Variants in ASTN1 observed in about 807,000 individuals in gnomAD.
The protein encoded by ASTN1 is astrotactin-1.
In ASTN1, 41 loss-of-function variants were observed where a neutral mutation model predicts 140.7. The ratio of observed to expected loss-of-function variants is 0.29; its 90% CI spans 0.23 to 0.38. ASTN1 has a LOEUF of 0.38. Among genes scored for constraint, ASTN1 ranks in the 10% least tolerant of loss-of-function variants. The pLI, the probability that ASTN1 is intolerant of heterozygous loss-of-function variation, is 1.00. For missense variants in ASTN1, 1,479 were observed against 1,678.8 expected, an observed-to-expected ratio of 0.88 and a Z score of 2.08; for synonymous variants, 640 against 652.2, an observed-to-expected ratio of 0.98 and a Z score of 0.29.
intron 2 of ASTN1, among the ~76,000 whole-genome samples, chr1:177,060,320 C>T (rs1177919578): frequency 6.6e-6 from 1 of 152,194 alleles, no homozygotes; most frequent in African/African-American, 2.4e-5. Context: ...TACCCACATG[C>T]CCTCTATTGT....
At chr1:177,064,349 G>A (rs1678242577) in intron 1 of ASTN1, among the ~76,000 whole-genome samples, 1 of 152,172 alleles carries the variant, frequency 6.6e-6, no homozygotes, top group Non-Finnish European at 1.5e-5. Context: ...CCCTTTTCAA[G>A]TATATAATTT....
At chr1:177,147,033 A>AT (rs888549753) in intron 1 of ASTN1, among the ~76,000 whole-genome samples, 7 of 151,946 alleles carry the variant, frequency 4.6e-5, no homozygotes, top group African/African-American at 7.3e-5. Context: ...ATGAAACTGG[A>AT]TTTTTTTAAA....
At chr1:177,015,019 A>G in intron 7 of ASTN1, 144 bp from the exon 8 acceptor site, 1 of 685,382 alleles carries the variant, frequency 1.5e-6, no homozygotes, top group Non-Finnish European at 2.5e-6. Context: ...CCATTATGTC[A>G]TATACTCCCC....
intron 8 of ASTN1, among the ~76,000 whole-genome samples, chr1:177,004,368 C>G (rs887268773): frequency 6.6e-6 from 1 of 152,072 alleles, no homozygotes; most frequent in African/African-American, 2.4e-5. Flanking sequence ...ATTGGAAGAA[C>G]CAATATCATG....
At chr1:176,977,106 C>T (rs1444444386) in intron 8 of ASTN1, among the ~76,000 whole-genome samples, 1 of 152,176 alleles carries the variant, frequency 6.6e-6, no homozygotes, top group Non-Finnish European at 1.5e-5. Context: ...TAGCTTCCTA[C>T]ATTTCTGTGA....
intron 1 of ASTN1, among the ~76,000 whole-genome samples, chr1:177,070,453 C>T (rs144820070): frequency 1.3e-5 from 2 of 152,328 alleles, no homozygotes; most frequent in African/African-American, 4.8e-5. Flanking sequence ...TAAATATCAC[C>T]TGTAAATGAG....
intron 20 of ASTN1, among the ~76,000 whole-genome samples, chr1:176,881,460 TCACAACTGAAGGACTACTGAGC>T (rs1668797059): frequency 6.6e-6 from 1 of 152,162 alleles, no homozygotes; most frequent in African/African-American, 2.4e-5. Flanking sequence ...TGTGATTTAG[TCACAACTGAAGGACTACTGAGC>T]CTTTACTATA....
intron 1 of ASTN1, among the ~76,000 whole-genome samples, chr1:177,104,741 A>G (rs1370515671): frequency 6.6e-6 from 1 of 152,224 alleles, no homozygotes; most frequent in Non-Finnish European, 1.5e-5. Context: ...ATGCTAGTCC[A>G]AAAAAGGGAC....
chr1:177,048,441 A>G (rs959112440), intron 2 of ASTN1, among the ~76,000 whole-genome samples: 2 of 152,202 alleles, frequency 1.3e-5, no homozygotes, highest in Non-Finnish European at 2.9e-5. Context: ...CCCTTAAGGC[A>G]TAACTGTTAT....
intron 1 of ASTN1, among the ~76,000 whole-genome samples, chr1:177,082,236 G>A (rs184329035): frequency 1.3e-5 from 2 of 152,290 alleles, no homozygotes; most frequent in Admixed American, 6.5e-5. Context: ...CTATGAGTGT[G>A]CAGTATGTAA....
chr1:177,013,101 T>C (rs1675373232), intron 8 of ASTN1, among the ~76,000 whole-genome samples: 1 of 152,164 alleles, frequency 6.6e-6, no homozygotes, highest in Non-Finnish European at 1.5e-5. Context: ...AGCCAAACCT[T>C]CTGCCCTTCT....
intron 8 of ASTN1, among the ~76,000 whole-genome samples, chr1:177,014,545 G>T (rs1170547874): frequency 6.6e-6 from 1 of 152,216 alleles, no homozygotes; most frequent in Non-Finnish European, 1.5e-5. Context: ...GGGACAGCTT[G>T]ATTTTCAGAT....
chr1:177,014,921 G>T (rs1232717353), intron 7 of ASTN1, 46 bp from the exon 8 acceptor site: 10 of 1,510,546 alleles, frequency 6.6e-6, no homozygotes, highest in South Asian at 1.1e-5. Flanking sequence ...TGAAGGAATT[G>T]ATTAACATGT....
chr1:176,875,228 C>T (rs1459805217), intron 21 of ASTN1, among the ~76,000 whole-genome samples: 2 of 152,038 alleles, frequency 1.3e-5, no homozygotes, highest in Admixed American at 6.6e-5. Flanking sequence ...TGTGCAAAGG[C>T]CTCATGGTAG....
At chr1:176,871,512 T>G in intron 21 of ASTN1, among the ~76,000 whole-genome samples, 1 of 152,122 alleles carries the variant, frequency 6.6e-6, no homozygotes, top group East Asian at 1.9e-4. Flanking sequence ...AGTAGTCATA[T>G]CCAGCTAGGG....
chr1:176,969,115 T>G (rs1460668124), intron 8 of ASTN1, among the ~76,000 whole-genome samples: 1 of 152,202 alleles, frequency 6.6e-6, no homozygotes, highest in Non-Finnish European at 1.5e-5. Context: ...CCTCTGTATT[T>G]GGGCTTTTTG....
chr1:177,058,223 T>C (rs916939852), intron 2 of ASTN1, among the ~76,000 whole-genome samples: 2 of 152,086 alleles, frequency 1.3e-5, no homozygotes, highest in African/African-American at 4.8e-5. Flanking sequence ...CTCCACTTCA[T>C]CCTGAGATTC....
downstream of ASTN1, among the ~76,000 whole-genome samples, chr1:176,860,147 T>C (rs1444460318): frequency 6.6e-6 from 1 of 152,154 alleles, no homozygotes; most frequent in Admixed American, 6.5e-5. Flanking sequence ...GCAGAAGCCC[T>C]AAGGCCTTTT....
At chr1:177,058,226 T>C (rs541521362) in intron 2 of ASTN1, among the ~76,000 whole-genome samples, 7 of 152,218 alleles carry the variant, frequency 4.6e-5, no homozygotes, top group African/African-American at 1.4e-4. Flanking sequence ...CACTTCATCC[T>C]GAGATTCCTG....
Sources: allele counts gnomAD v4.1 joint callset (sites outside exome capture counted in the v4.1 genomes callset), GRCh38; gene constraint gnomAD v4.1.1; transcripts MANE v1.5; gene names NCBI Gene and HGNC (gene_info 2026-07-23, HGNC 2026-07-21).